TMEM71: variants seen among roughly 807,000 people sequenced by gnomAD.
TMEM71 encodes transmembrane protein 71.
Under a neutral mutation model 38.0 loss-of-function variants are expected in TMEM71, and 44 were observed. The observed-to-expected ratio is 1.16, with a 90% CI of 0.91 to 1.49. The LOEUF (loss-of-function observed/expected upper bound fraction) is 1.49. Among genes scored for constraint, TMEM71 ranks in the 40% most tolerant of loss-of-function variants. The probability of loss-of-function intolerance (pLI) is 0.00; values close to 1 mark genes in which losing one functional copy is unlikely to be tolerated. For missense variants in TMEM71, 367 were observed against 348.6 expected (o/e 1.05, Z -0.42); for synonymous variants, 133 against 122.5 (o/e 1.09, Z -0.56).
At chr8:132,756,395 G>T (rs1225806460) in intron 3 of TMEM71, among the ~76,000 whole-genome samples, 13 of 111,868 alleles carry the variant, frequency 1.2e-4, no homozygotes, top group African/African-American at 5.0e-4. Context: ...CCCATATATT[G>T]ACACTAACAT....
intron 9 of TMEM71, 121 bp from the exon 10 acceptor site, chr8:132,711,103 A>C: frequency 1.2e-6 from 1 of 858,048 alleles, no homozygotes; most frequent in Non-Finnish European, 1.8e-6. Context: ...CATACCCACA[A>C]CGGGCCTGAA....
chr8:132,764,722 A>C (rs1357626627), upstream of TMEM71, among the ~76,000 whole-genome samples: 1 of 152,174 alleles, frequency 6.6e-6, no homozygotes, highest in East Asian at 1.9e-4. Context: ...CTCCCAGACC[A>C]GGTTATGGAT....
intron 9 of TMEM71, among the ~76,000 whole-genome samples, chr8:132,713,490 G>T (rs1826345172): frequency 6.6e-6 from 1 of 152,114 alleles, no homozygotes; most frequent in Non-Finnish European, 1.5e-5. Context: ...GCAATAGGAT[G>T]GTGCTATCCA....
At chr8:132,713,125 G>A (rs1826322913) in intron 9 of TMEM71, among the ~76,000 whole-genome samples, 1 of 151,644 alleles carries the variant, frequency 6.6e-6, no homozygotes, top group Non-Finnish European at 1.5e-5. Context: ...GATTACAGGT[G>A]TGAGCCACCA....
chr8:132,725,046 C>CTTTTCTTTTCTTTTCTTTTTTTTCT (rs1827064529), intron 6 of TMEM71, among the ~76,000 whole-genome samples: 1 of 144,418 alleles, frequency 6.9e-6, no homozygotes, highest in African/African-American at 2.6e-5. Context: ...TCTTTTTTTT[C>CTTTTCTTTTCTTTTCTTTTTTTTCT]TTTTTTTTTT....
At chr8:132,775,141 G>A in the TMEM71 span, among the ~76,000 whole-genome samples, 6 of 152,004 alleles carry the variant, frequency 3.9e-5, no homozygotes, top group Admixed American at 3.9e-4. Context: ...AATGCCCTTC[G>A]TCCTCAAATC....
intron 5 of TMEM71, among the ~76,000 whole-genome samples, chr8:132,746,488 C>CGT (rs200909776): frequency 1.3e-4 from 7 of 54,302 alleles, no homozygotes; most frequent in East Asian, 7.8e-4. Flanking sequence ...TATATATATA[C>CGT]ATATATATAC....
chr8:132,740,619 G>T (rs889938264), intron 5 of TMEM71, among the ~76,000 whole-genome samples: 1 of 152,178 alleles, frequency 6.6e-6, no homozygotes, highest in Non-Finnish European at 1.5e-5. Context: ...CATAAGTAAA[G>T]CCACAGATGT....
chr8:132,734,153 TACACAC>T (rs35673804), intron 5 of TMEM71, among the ~76,000 whole-genome samples: 4 of 148,790 alleles, frequency 2.7e-5, no homozygotes, highest in Admixed American at 1.3e-4. Flanking sequence ...GTTATGTTCT[TACACAC>T]ACACACACAC....
chr8:132,732,757 C>T lies in TMEM71; in HGVS notation c.488-4771G>A, dbSNP rs544911488. 4.6e-5 allele frequency among the ~76,000 whole-genome samples: 7 copies of T among 152,258 alleles called. No homozygotes were observed. The South Asian group carries it at 1.5e-3, about 32-fold the overall frequency. On this transcript the variant is annotated intron_variant, in intron 5 of 9. Transcript: ENST00000677595. ...GGGGGTGATTTCTCCTCCCCGGGGA[C>T]ATGGTGCAATATCTTGAGACAGTTT...
At chr8:132,757,596 C>A (rs1462638337) in intron 2 of TMEM71, among the ~76,000 whole-genome samples, 2 of 151,976 alleles carry the variant, frequency 1.3e-5, no homozygotes, top group Non-Finnish European at 2.9e-5. Context: ...GAGACCGAGG[C>A]GGGCGGATCA....
chr8:132,722,151 C>T (rs778270631), intron 6 of TMEM71, 36 bp from the exon 7 acceptor site: 1 of 1,465,140 alleles, frequency 6.8e-7, no homozygotes, highest in East Asian at 2.3e-5. Flanking sequence ...AATTAGAAAT[C>T]ATTGCTGATT....
At chr8:132,757,934 A>C (rs1291855433) in intron 2 of TMEM71, 1 of 152,212 alleles carries the variant, frequency 6.6e-6, no homozygotes, top group Non-Finnish European at 1.5e-5. Context: ...TGTGTGAAGC[A>C]GGAGAAAACC....
chr8:132,737,178 T>C (rs1322952303), intron 5 of TMEM71, among the ~76,000 whole-genome samples: 1 of 152,180 alleles, frequency 6.6e-6, no homozygotes, highest in African/African-American at 2.4e-5. Flanking sequence ...AAAGCAGTCG[T>C]GATTGCATGG....
chr8:132,766,352 G>A, the TMEM71 span, among the ~76,000 whole-genome samples: 1 of 139,576 alleles, frequency 7.2e-6, no homozygotes, highest in Non-Finnish European at 1.5e-5. Flanking sequence ...CCTCCAGGGG[G>A]AAGCACTGTA....
intron 4 of TMEM71, among the ~76,000 whole-genome samples, chr8:132,748,853 T>C (rs1005512010): frequency 4.6e-5 from 7 of 152,186 alleles, no homozygotes; most frequent in Admixed American, 4.6e-4. Context: ...AGTCAGACCA[T>C]CTGAGCTGGA....
intron 5 of TMEM71, among the ~76,000 whole-genome samples, chr8:132,742,514 C>A (rs1828101039): frequency 6.6e-6 from 1 of 152,256 alleles, no homozygotes; most frequent in African/African-American, 2.4e-5. Flanking sequence ...ACTCTTAAAT[C>A]TCTCATGCTG....
At chr8:132,771,164 C>G in the TMEM71 span, among the ~76,000 whole-genome samples, 1 of 152,164 alleles carries the variant, frequency 6.6e-6, no homozygotes, top group African/African-American at 2.4e-5. Flanking sequence ...AAAATCTTTA[C>G]TAATTTCTCA....
the TMEM71 span, among the ~76,000 whole-genome samples, chr8:132,772,702 T>C: frequency 6.6e-6 from 1 of 152,144 alleles, no homozygotes; most frequent in Non-Finnish European, 1.5e-5. Flanking sequence ...AATATGACTA[T>C]GATAATATAA....
Sources: gnomAD v4.1 joint callset for allele counts (sites outside exome capture counted in the v4.1 genomes callset) on GRCh38, gnomAD v4.1.1 for gene constraint, MANE v1.5 for transcripts, NCBI Gene and HGNC (gene_info 2026-07-23, HGNC 2026-07-21) for gene names.